The following PDLIM5 variants were observed in gnomAD, a reference collection of about 807,000 sequenced individuals.
The protein encoded by PDLIM5 is PDZ and LIM domain protein 5.
PDLIM5 carries 34 observed loss-of-function variants against 64.2 expected under a neutral mutation model. The observed-to-expected ratio is 0.53, with a 90% CI of 0.40 to 0.71. The LOEUF is 0.71. Among genes scored for constraint, PDLIM5 ranks in the 30% least tolerant of loss-of-function variants. The pLI, the probability that PDLIM5 is intolerant of heterozygous loss-of-function variation, is 0.00. For synonymous variants in PDLIM5, 253 were observed against 269.1 expected, an observed-to-expected ratio of 0.94 and a Z score of 0.59; for missense variants, 683 against 733.6, an observed-to-expected ratio of 0.93 and a Z score of 0.80.
chr4:94,641,790 G>A (rs775213820), intron 9 of PDLIM5, among the ~76,000 whole-genome samples: 1 of 152,142 alleles, frequency 6.6e-6, no homozygotes, highest in Admixed American at 6.5e-5. Flanking sequence ...GTGGTTATGG[G>A]GAGAAAGGGA....
intron 8 of PDLIM5, among the ~76,000 whole-genome samples, chr4:94,631,082 T>G (rs1740111758): frequency 7.3e-6 from 1 of 136,066 alleles, no homozygotes; most frequent in Admixed American, 7.5e-5. Flanking sequence ...TTTTTTTTTT[T>G]GTAGAGATGG....
intron 7 of PDLIM5, among the ~76,000 whole-genome samples, chr4:94,603,580 G>A (rs1737668170): frequency 1.3e-5 from 2 of 152,276 alleles, no homozygotes; most frequent in South Asian, 4.1e-4. Flanking sequence ...CATACATACA[G>A]GGCACTGCTG....
At chr4:94,602,142 C>T (rs1451264318) in intron 7 of PDLIM5, among the ~76,000 whole-genome samples, 5 of 152,080 alleles carry the variant, frequency 3.3e-5, no homozygotes, top group African/African-American at 4.8e-5. Context: ...TTTAATAAAA[C>T]GTATATTTCA....
At chr4:94,548,556 G>GTA (rs1264856276) in intron 3 of PDLIM5, among the ~76,000 whole-genome samples, 1 of 152,072 alleles carries the variant, frequency 6.6e-6, no homozygotes, top group East Asian at 1.9e-4. Flanking sequence ...TTAGAAAGAG[G>GTA]TAAGGAATTG....
chr4:94,618,886 G>T (rs558407466), intron 8 of PDLIM5, among the ~76,000 whole-genome samples: 1 of 152,298 alleles, frequency 6.6e-6, no homozygotes, highest in South Asian at 2.1e-4. Flanking sequence ...ACAGGAAAAT[G>T]GGACTGTACT....
At chr4:94,651,684 G>A (rs1741854893) in intron 9 of PDLIM5, among the ~76,000 whole-genome samples, 1 of 152,158 alleles carries the variant, frequency 6.6e-6, no homozygotes, top group Admixed American at 6.6e-5. Context: ...AGGTAGTTTT[G>A]CAATTTACAA....
chr4:94,657,319 C>T lies in PDLIM5; in HGVS notation c.1465-108C>T, dbSNP rs1742287301. 4 of 680,606 alleles carry T rather than the reference C, an allele frequency of 5.9e-6. No individual in the cohort carries two copies. In the South Asian group the frequency reaches 9.6e-5, roughly 16 times the overall value. The allele number at this position is 680,606 out of a possible 1,614,324, so 42.2% of individuals were successfully genotyped here. A position where few individuals can be genotyped will look rare whatever the true frequency, so the allele number is the denominator to read the frequency against. On this transcript the variant is annotated intron_variant, in intron 10 of 12. Coordinates refer to ENST00000317968, the MANE Select transcript of PDLIM5 (RefSeq NM_006457.5). The stretch of plus-strand genomic sequence containing the variant: ...CAAGACAAAAATGAAGTATGTGTGC[C>T]TACTTTGGATTAGCTCTACAGGGAT...
At chr4:94,509,120 T>A (rs1728645903) in intron 2 of PDLIM5, among the ~76,000 whole-genome samples, 1 of 152,216 alleles carries the variant, frequency 6.6e-6, no homozygotes, top group Admixed American at 6.5e-5. Context: ...ATAGCTTGTA[T>A]ACATTTCATC....
At chr4:94,480,092 A>T (rs1272185820) in intron 2 of PDLIM5, among the ~76,000 whole-genome samples, 2 of 152,234 alleles carry the variant, frequency 1.3e-5, no homozygotes, top group Non-Finnish European at 2.9e-5. Context: ...AATGTTTTAA[A>T]TATGACTTCT....
At chr4:94,499,157 G>T (rs895344180) in intron 2 of PDLIM5, among the ~76,000 whole-genome samples, 1 of 152,088 alleles carries the variant, frequency 6.6e-6, no homozygotes, top group Admixed American at 6.6e-5. Context: ...TGGAAAAAGC[G>T]AAGCCTTCTC....
At position 94,668,169 on chromosome 4, in the gene PDLIM5, T is replaced by G. The variant is rs1035678489; in HGVS notation, c.*4102T>G. 1 of 152,310 alleles carries G rather than the reference T, an allele frequency of 6.6e-6. No individual in the cohort carries two copies. Among genetic ancestry groups the G allele is most frequent in the Admixed American group, 6.5e-5 (1 of 15,294 alleles). The allele number at this position is 152,310 out of a possible 1,614,324, so 9.4% of individuals were successfully genotyped here. A position where few individuals can be genotyped will look rare whatever the true frequency, so the allele number is the denominator to read the frequency against. On this transcript the variant is annotated 3_prime_UTR_variant, in exon 13 of 13. Coordinates refer to ENST00000317968, the MANE Select transcript of PDLIM5 (RefSeq NM_006457.5). ...CACATGATAAATATAATCAGTATAGTAATAATACCATAATGTGCACATACT... is the reference window on the plus strand; with the variant it reads ...CACATGATAAATATAATCAGTATAGGAATAATACCATAATGTGCACATACT...
intron 3 of PDLIM5, among the ~76,000 whole-genome samples, chr4:94,531,135 C>T (rs756314987): frequency 2.0e-5 from 3 of 151,890 alleles, no homozygotes; most frequent in Admixed American, 6.6e-5. Flanking sequence ...TGGTATTTCA[C>T]GTACTTTTCT....
At chr4:94,494,897 C>T (rs1259397975) in intron 2 of PDLIM5, among the ~76,000 whole-genome samples, 1 of 151,934 alleles carries the variant, frequency 6.6e-6, no homozygotes, top group African/African-American at 2.4e-5. Flanking sequence ...TACAGGTGCA[C>T]GTCGCCACGC....
chr4:94,631,477 A>G (rs78489755), intron 8 of PDLIM5, among the ~76,000 whole-genome samples: 2,651 of 152,286 alleles, frequency 0.017, 68 homozygotes, highest in African/African-American at 0.06. Context: ...CATTTTTCCT[A>G]CATTTATCCT....
intron 3 of PDLIM5, among the ~76,000 whole-genome samples, chr4:94,567,903 C>T (rs765282466): frequency 6.6e-6 from 1 of 152,096 alleles, no homozygotes; most frequent in African/African-American, 2.4e-5. Context: ...TATGGAAGTT[C>T]AGATGGATCA....
intron 11 of PDLIM5, 67 bp from the exon 12 acceptor site, chr4:94,662,355 T>G: frequency 1.3e-6 from 1 of 755,902 alleles, no homozygotes. Context: ...GTTGCTGCCT[T>G]CTAGGAACGA....
chr4:94,662,617 T>G, intron 12 of PDLIM5, 80 bp downstream of exon 12: 2 of 615,770 alleles, frequency 3.2e-6, no homozygotes, highest in South Asian at 2.3e-5. Flanking sequence ...AATATCAGCT[T>G]CTGGGTCTTT....
At chr4:94,494,993 CTT>C (rs1727248419) in intron 2 of PDLIM5, among the ~76,000 whole-genome samples, 1 of 152,014 alleles carries the variant, frequency 6.6e-6, no homozygotes, top group Non-Finnish European at 1.5e-5. Flanking sequence ...ATCCACCCAC[CTT>C]GGCCTCCGAA....
intron 7 of PDLIM5, among the ~76,000 whole-genome samples, chr4:94,595,044 A>G (rs984374130): frequency 3.3e-5 from 5 of 152,156 alleles, no homozygotes; most frequent in Non-Finnish European, 7.4e-5. Context: ...AAGCTGGTAC[A>G]TCTTCACAAT....
Sources: allele counts gnomAD v4.1 joint callset (sites outside exome capture counted in the v4.1 genomes callset), GRCh38; gene constraint gnomAD v4.1.1; transcripts MANE v1.5; gene names NCBI Gene and HGNC (gene_info 2026-07-23, HGNC 2026-07-21).